TAFA1: variants seen among roughly 807,000 people sequenced by gnomAD.
The protein encoded by TAFA1 is chemokine-like protein TAFA-1.
TAFA1 carries 4 observed loss-of-function variants against 18.5 expected under a neutral mutation model. The ratio of observed to expected loss-of-function variants is 0.22; its 90% confidence interval spans 0.11 to 0.49. The LOEUF (loss-of-function observed/expected upper bound fraction) is 0.49, where lower values mean the gene tolerates loss of function less well. Ranked by LOEUF, TAFA1 falls within the 20% of genes least tolerant of loss-of-function variation. TAFA1 has a pLI of 0.98. For synonymous variants in TAFA1, 56 were observed against 55.2 expected (o/e 1.01, Z -0.06); for missense variants, 147 against 169.0 (o/e 0.87, Z 0.72).
chr3:68,034,582 A>G (rs192353709), intron 2 of TAFA1, among the ~76,000 whole-genome samples: 25 of 152,300 alleles, frequency 1.6e-4, no homozygotes, highest in African/African-American at 5.8e-4. Flanking sequence ...AGCATAAACC[A>G]GTGTCTTTAC....
intron 2 of TAFA1, among the ~76,000 whole-genome samples, chr3:68,028,640 T>G (rs1269873494): frequency 6.6e-6 from 1 of 152,146 alleles, no homozygotes; most frequent in Non-Finnish European, 1.5e-5. Context: ...GATGCTGACT[T>G]GTGGATTGAC....
intron 2 of TAFA1, among the ~76,000 whole-genome samples, chr3:68,321,424 T>C (rs1010369603): frequency 6.6e-6 from 1 of 152,138 alleles, no homozygotes; most frequent in Non-Finnish European, 1.5e-5. Flanking sequence ...ATATTTCCTT[T>C]GATGTTGGAG....
intron 2 of TAFA1, among the ~76,000 whole-genome samples, chr3:68,176,119 CT>C (rs796579214): frequency 6.6e-6 from 1 of 152,150 alleles, no homozygotes; most frequent in African/African-American, 2.4e-5. Context: ...TTCATTGAAC[CT>C]TTTTTTCTTC....
intron 3 of TAFA1, among the ~76,000 whole-genome samples, chr3:68,498,717 G>T (rs1454933559): frequency 9.1e-6 from 1 of 110,398 alleles, no homozygotes; most frequent in African/African-American, 3.9e-5. Context: ...AAAGCCGTTT[G>T]GTGGCTTTTT....
At chr3:68,446,803 A>G (rs2071479537) in intron 3 of TAFA1, among the ~76,000 whole-genome samples, 1 of 152,198 alleles carries the variant, frequency 6.6e-6, no homozygotes, top group African/African-American at 2.4e-5. Flanking sequence ...AGAAACTGAA[A>G]CAAAGTGTCT....
chr3:68,262,042 T>A (rs1486393460), intron 2 of TAFA1, among the ~76,000 whole-genome samples: 5 of 151,732 alleles, frequency 3.3e-5, no homozygotes, highest in African/African-American at 9.6e-5. Flanking sequence ...GATTTATTTA[T>A]TTAGGTAGAA....
intron 3 of TAFA1, among the ~76,000 whole-genome samples, chr3:68,459,983 G>C (rs1033219820): frequency 6.6e-6 from 1 of 152,126 alleles, no homozygotes; most frequent in Non-Finnish European, 1.5e-5. Context: ...ACGTGTTAAG[G>C]CCGTTTATTG....
Position 68,256,872 on chromosome 3 carries a change from C to T in TAFA1, c.119-160408C>T, listed in dbSNP as rs867696556. On this transcript the variant is annotated intron_variant, in intron 2 of 4. Transcript: ENST00000478136. Reference sequence around the variant, plus strand: ...ACCTTTGTATGAGCCACAATAGTCACATCCCTGGGACATCTTTGTGCCCCC... The same window carrying T: ...ACCTTTGTATGAGCCACAATAGTCATATCCCTGGGACATCTTTGTGCCCCC... Among the ~76,000 whole-genome samples the T allele has an allele frequency of 2.4e-4, 36 of 152,232 alleles. No individual in the cohort carries two copies. The Middle Eastern group carries it at 0.01, about 43-fold the overall frequency.
intron 3 of TAFA1, among the ~76,000 whole-genome samples, chr3:68,456,640 T>A (rs1046690797): frequency 2.6e-5 from 4 of 152,190 alleles, no homozygotes; most frequent in African/African-American, 9.6e-5. Flanking sequence ...TCAAATCACA[T>A]TGGAGTCTAT....
chr3:68,306,811 G>A (rs2068432130), intron 2 of TAFA1, among the ~76,000 whole-genome samples: 1 of 152,130 alleles, frequency 6.6e-6, no homozygotes, highest in Non-Finnish European at 1.5e-5. Context: ...TTTCTCTAAA[G>A]TGTCCACATT....
chr3:68,449,492 G>T (rs1293567557), intron 3 of TAFA1, among the ~76,000 whole-genome samples: 1 of 152,112 alleles, frequency 6.6e-6, no homozygotes, highest in Non-Finnish European at 1.5e-5. Context: ...GTTTTAGAAA[G>T]AAATTGCAAA....
intron 2 of TAFA1, among the ~76,000 whole-genome samples, chr3:68,135,265 C>T (rs1373967514): frequency 6.6e-6 from 1 of 152,142 alleles, no homozygotes; most frequent in African/African-American, 2.4e-5. Context: ...AAGGGAAAAT[C>T]GATTTCAGGT....
At chr3:68,388,818 T>C (rs1032811345) in intron 2 of TAFA1, among the ~76,000 whole-genome samples, 7 of 152,178 alleles carry the variant, frequency 4.6e-5, no homozygotes, top group Non-Finnish European at 1.0e-4. Flanking sequence ...TGGATGGTGT[T>C]TTTAAACCTT....
intron 2 of TAFA1, among the ~76,000 whole-genome samples, chr3:68,336,177 T>C (rs1368105293): frequency 6.6e-6 from 1 of 152,222 alleles, no homozygotes; most frequent in African/African-American, 2.4e-5. Context: ...GGGGATTAGA[T>C]GCAATATATG....
intron 2 of TAFA1, among the ~76,000 whole-genome samples, chr3:68,174,890 G>GCT (rs1460246916): frequency 6.6e-6 from 1 of 152,196 alleles, no homozygotes; most frequent in Non-Finnish European, 1.5e-5. Context: ...TCCCATCACA[G>GCT]GCCCAGAGGC....
intron 2 of TAFA1, among the ~76,000 whole-genome samples, chr3:68,385,501 T>G (rs1194814576): frequency 6.6e-6 from 1 of 152,120 alleles, no homozygotes; most frequent in East Asian, 1.9e-4. Flanking sequence ...TTAAAGTCTC[T>G]GGGCCTGTTT....
intron 3 of TAFA1, among the ~76,000 whole-genome samples, chr3:68,448,667 A>G (rs986105744): frequency 1.3e-5 from 2 of 152,154 alleles, no homozygotes; most frequent in African/African-American, 4.8e-5. Context: ...GAAACTTCAA[A>G]GTACATTGAG....
intron 2 of TAFA1, among the ~76,000 whole-genome samples, chr3:68,077,753 G>A (rs1256632379): frequency 2.6e-5 from 4 of 151,796 alleles, no homozygotes; most frequent in African/African-American, 7.3e-5. Flanking sequence ...GATGCCTCCA[G>A]CTTTGTTCTT....
At chr3:68,165,949 A>G (rs897915636) in intron 2 of TAFA1, among the ~76,000 whole-genome samples, 5 of 152,208 alleles carry the variant, frequency 3.3e-5, no homozygotes, top group African/African-American at 1.2e-4. Flanking sequence ...GTCATGGAGG[A>G]CTGAGAAGGG....
Sources: gnomAD v4.1 joint callset for allele counts (sites outside exome capture counted in the v4.1 genomes callset) on GRCh38, gnomAD v4.1.1 for gene constraint, MANE v1.5 for transcripts, NCBI Gene and HGNC (gene_info 2026-07-23, HGNC 2026-07-21) for gene names.